Variants in FUT8 observed in about 807,000 individuals in gnomAD.
FUT8 encodes the protein alpha-(1,6)-fucosyltransferase.
FUT8 carries 29 observed loss-of-function variants against 71.3 expected under a neutral mutation model. The observed-to-expected ratio is 0.41, with a 90% CI of 0.30 to 0.55. The LOEUF is 0.55. Among genes scored for constraint, FUT8 ranks in the 20% least tolerant of loss-of-function variants. FUT8 has a pLI of 0.34. For missense variants in FUT8, 544 were observed against 702.1 expected, an observed-to-expected ratio of 0.77 and a Z score of 2.55; for synonymous variants, 254 against 239.3, an observed-to-expected ratio of 1.06 and a Z score of -0.57.
chr14:65,593,581 C>CTT lies in FUT8; in HGVS notation c.204-22387_204-22386dup, dbSNP rs71126767. Among the ~76,000 whole-genome samples the CTT allele has an allele frequency of 8.1e-4, 119 of 147,252 alleles. 2 individuals are homozygous for CTT. The highest frequency in any genetic ancestry group is 5.4e-3 in the South Asian group (25 of 4,654). ...GCGCTCTTCTTTTTTCTTTTCTTTTCTTTTTTTTTTTGAGACAGAGTTTTG... is the reference window on the plus strand; with the variant it reads ...GCGCTCTTCTTTTTTCTTTTCTTTTCTTTTTTTTTTTTTGAGACAGAGTTTTG... On this transcript the variant is annotated intron_variant, in intron 3 of 10. Transcript: ENST00000673929.
chr14:65,616,906 G>A (rs1458841582), intron 5 of FUT8, among the ~76,000 whole-genome samples: 1 of 151,934 alleles, frequency 6.6e-6, no homozygotes, highest in Non-Finnish European at 1.5e-5. Flanking sequence ...CCTGAGATCT[G>A]CCTGGTTAAA....
At chr14:65,511,613 C>T (rs989049300) in intron 2 of FUT8, among the ~76,000 whole-genome samples, 1 of 152,136 alleles carries the variant, frequency 6.6e-6, no homozygotes, top group East Asian at 1.9e-4. Context: ...TTTATATCCT[C>T]TTGCTGAACT....
intron 7 of FUT8, among the ~76,000 whole-genome samples, chr14:65,670,690 G>GT (rs761884041): frequency 3.9e-5 from 6 of 152,024 alleles, no homozygotes; most frequent in Non-Finnish European, 7.4e-5. Flanking sequence ...CATCAGCAAA[G>GT]TAACTTTGGT....
intron 1 of FUT8, among the ~76,000 whole-genome samples, chr14:65,426,248 C>G (rs1430545677): frequency 6.6e-6 from 1 of 151,846 alleles, no homozygotes; most frequent in African/African-American, 2.4e-5. Flanking sequence ...TTTACTTAGC[C>G]TAATGTCCTT....
At chr14:65,657,416 A>G (rs1366822709) in intron 6 of FUT8, among the ~76,000 whole-genome samples, 1 of 152,166 alleles carries the variant, frequency 6.6e-6, no homozygotes, top group African/African-American at 2.4e-5. Context: ...TTTGAAAGCA[A>G]CCTAAGCGCC....
intron 2 of FUT8, among the ~76,000 whole-genome samples, chr14:65,498,269 A>G (rs1174572502): frequency 6.6e-6 from 1 of 152,150 alleles, no homozygotes; most frequent in Non-Finnish European, 1.5e-5. Flanking sequence ...ATCTTACTCA[A>G]AGGAACCAAT....
At chr14:65,445,559 C>G (rs552425108) in intron 1 of FUT8, among the ~76,000 whole-genome samples, 1 of 152,070 alleles carries the variant, frequency 6.6e-6, no homozygotes, top group Non-Finnish European at 1.5e-5. Flanking sequence ...TGTTGAAATT[C>G]ATAGAACTGT....
At chr14:65,520,054 C>G (rs1282910328) in intron 2 of FUT8, among the ~76,000 whole-genome samples, 1 of 152,240 alleles carries the variant, frequency 6.6e-6, no homozygotes, top group Admixed American at 6.5e-5. Flanking sequence ...GCTGGAATTA[C>G]AGGCATGAGC....
the FUT8 span, among the ~76,000 whole-genome samples, chr14:65,369,033 A>G: frequency 2.6e-3 from 397 of 152,382 alleles, no homozygotes; most frequent in African/African-American, 8.8e-3. This position sits in a 1 kb window ranked among gnomAD's most constrained non-coding sequence, Gnocchi z 4.6. Context: ...CACATAATCA[A>G]TATACAAAAT....
chr14:65,496,430 C>T (rs952814428), intron 2 of FUT8, among the ~76,000 whole-genome samples: 1 of 152,096 alleles, frequency 6.6e-6, no homozygotes, highest in African/African-American at 2.4e-5. Flanking sequence ...CAAATCTCAT[C>T]TTGAATTGTA....
chr14:65,544,930 T>G (rs1056541136), intron 2 of FUT8, among the ~76,000 whole-genome samples: 9 of 152,016 alleles, frequency 5.9e-5, no homozygotes, highest in Non-Finnish European at 1.2e-4. Context: ...TGCTCTGCCC[T>G]CTTTTCCTCC....
intron 6 of FUT8, among the ~76,000 whole-genome samples, chr14:65,635,107 A>T (rs1359696409): frequency 6.6e-6 from 1 of 151,970 alleles, no homozygotes; most frequent in African/African-American, 2.4e-5. Flanking sequence ...CGGCTTTTAT[A>T]AAAGGGGTTG....
chr14:65,545,615 GT>G (rs1213223882), intron 2 of FUT8, among the ~76,000 whole-genome samples: 2 of 151,710 alleles, frequency 1.3e-5, no homozygotes, highest in Non-Finnish European at 3.0e-5. Flanking sequence ...GAAACACTTT[GT>G]AATAATGATT....
chr14:65,719,135 A>G (rs1389715789), intron 7 of FUT8, among the ~76,000 whole-genome samples: 1 of 152,104 alleles, frequency 6.6e-6, no homozygotes, highest in Admixed American at 6.5e-5. Context: ...TCTTATAGGC[A>G]TGCTTCATTG....
At chr14:65,702,031 G>A (rs951818382) in intron 7 of FUT8, among the ~76,000 whole-genome samples, 3 of 152,152 alleles carry the variant, frequency 2.0e-5, no homozygotes, top group African/African-American at 7.2e-5. Flanking sequence ...CTTAAATAAG[G>A]TGCTTAACCT....
intron 2 of FUT8, 139 bp from the exon 3 acceptor site, chr14:65,561,198 C>A: frequency 5.1e-6 from 1 of 195,570 alleles, no homozygotes; most frequent in Non-Finnish European, 1.1e-5. Flanking sequence ...AAGCTTTTAC[C>A]CTTTACTTGT....
chr14:65,502,406 G>A (rs1343869054), intron 2 of FUT8, among the ~76,000 whole-genome samples: 2 of 151,678 alleles, frequency 1.3e-5, no homozygotes, highest in Non-Finnish European at 2.9e-5. Context: ...TGTCTTTTTA[G>A]TAGAGACAGG....
chr14:65,444,246 T>C (rs1566751181), intron 1 of FUT8, among the ~76,000 whole-genome samples: 1 of 152,136 alleles, frequency 6.6e-6, no homozygotes, highest in Non-Finnish European at 1.5e-5. Context: ...AATCACGAGA[T>C]ACCATTACTT....
chr14:65,582,065 T>C (rs1247879693), intron 3 of FUT8, among the ~76,000 whole-genome samples: 3 of 152,126 alleles, frequency 2.0e-5, no homozygotes, highest in African/African-American at 7.2e-5. Context: ...GTATAGAAAA[T>C]AGAGCAGTGT....
Sources: gnomAD v4.1 joint callset for allele counts (sites outside exome capture counted in the v4.1 genomes callset) on GRCh38, gnomAD v4.1.1 for gene constraint, Gnocchi (gnomAD v3.1) non-coding constraint, MANE v1.5 for transcripts, NCBI Gene and HGNC (gene_info 2026-07-23, HGNC 2026-07-21) for gene names.